GSDMB: variants seen among roughly 807,000 people sequenced by gnomAD.
The protein encoded by GSDMB is gasdermin B.
A neutral mutation model predicts 42.9 loss-of-function variants in GSDMB; 32 were observed. The observed-to-expected ratio is 0.75, with a 90% CI of 0.56 to 1.00. The LOEUF (loss-of-function observed/expected upper bound fraction) is 1.00. Ranked by LOEUF, GSDMB falls within the 50% of genes least tolerant of loss-of-function variation. GSDMB has a pLI of 0.00. For missense variants in GSDMB, 468 were observed against 498.5 expected (o/e 0.94, Z 0.58); for synonymous variants, 175 against 193.7 (o/e 0.90, Z 0.80).
intron 5 of GSDMB, 51 bp downstream of exon 5, chr17:39,908,907 C>A (rs2063555737): frequency 1.8e-6 from 2 of 1,141,382 alleles, no homozygotes; most frequent in African/African-American, 3.1e-5. Context: ...CCCCCCACCT[C>A]ACTGGTGTGT....
In GSDMB at chr17:39,917,246, G is replaced by A. The variant is rs778033673; in HGVS notation, c.71C>T (p.Ala24Val). Residue 24 changes from alanine to valine, a missense_variant, in exon 2 of 11, where the codon GCC becomes GTC. Physicochemically the swap from Ala to Val is moderately conservative, Grantham distance 64 (BLOSUM62 0). Transcript: ENST00000418519. ...ATCAGCATCAACAAGGCTTCTAACG[G>A]CAATCATATCCCCTCCAGCATCCAT... ...KEMDAGGDMI[A>V]VRSLVDADRF... 2.4e-5 allele frequency: 39 copies of A among 1,613,850 alleles called. No homozygotes were observed. The highest frequency in any genetic ancestry group is 3.1e-5 in the Non-Finnish European group (36 of 1,179,874).
intron 7 of GSDMB, 107 bp downstream of exon 7, chr17:39,906,854 G>A (rs947271744): frequency 3.2e-6 from 5 of 1,579,864 alleles, no homozygotes; most frequent in South Asian, 2.3e-5. Flanking sequence ...AGTGCCTCCC[G>A]ACTTCCTACC....
At chr17:39,916,964 G>A (rs1019995134) in intron 2 of GSDMB, 118 bp downstream of exon 2, 7 of 691,796 alleles carry the variant, frequency 1.0e-5, no homozygotes, top group Non-Finnish European at 1.8e-5. Flanking sequence ...GTGTGGATGT[G>A]TACAAATCCC....
chr17:39,906,062 C>T (rs373071837), intron 8 of GSDMB, 49 bp downstream of exon 8: 2 of 1,612,196 alleles, frequency 1.2e-6, no homozygotes, highest in Non-Finnish European at 8.5e-7. Flanking sequence ...CTGCCATCCC[C>T]TCTGGCTCCT....
At chr17:39,912,281 A>T in intron 3 of GSDMB, 45 bp downstream of exon 3, 1 of 1,450,140 alleles carries the variant, frequency 6.9e-7, no homozygotes. Flanking sequence ...GGTGCCCAAG[A>T]TGGGCTTCTT....
chr17:39,917,363 A>G, intron 1 of GSDMB, 33 bp from the exon 2 acceptor site: 1 of 1,265,070 alleles, frequency 7.9e-7, no homozygotes, highest in Admixed American at 1.7e-5. Flanking sequence ...AGTTTTTGGG[A>G]GGAGGGTATT....
chr17:39,917,499 CCA>C (rs1464295323), intron 1 of GSDMB, 169 bp from the exon 2 acceptor site: 2 of 588,678 alleles, frequency 3.4e-6, no homozygotes, highest in African/African-American at 3.7e-5. Context: ...AACTGAAGAT[CCA>C]CAAAAGAAAT....
At chr17:39,910,117 G>T (rs891298090) in intron 3 of GSDMB, among the ~76,000 whole-genome samples, 193 bp from the exon 4 acceptor site, 1 of 152,042 alleles carries the variant, frequency 6.6e-6, no homozygotes, top group Admixed American at 6.6e-5. Flanking sequence ...TACAAAGTAG[G>T]GTGAGAGGCC....
chr17:39,904,767 TAAAGGGAAAACCCAGAG>T lies in GSDMB; in HGVS notation c.*28_*44del, dbSNP rs1314162547. 4 of 1,579,198 alleles carry T rather than the reference TAAAGGGAAAACCCAGAG, an allele frequency of 2.5e-6. No individual in the cohort carries two copies. Among genetic ancestry groups the T allele is most frequent in the Non-Finnish European group, 2.6e-6 (3 of 1,152,812 alleles). On this transcript the variant is annotated 3_prime_UTR_variant, in exon 11 of 11. Transcript: ENST00000418519. ...GGCGATGGCAGTGAGGACAGACTGG[TAAAGGGAAAACCCAGAG>T]GCTTGTGGGGAGAAAGGGCTTTTGT...
intron 4 of GSDMB, among the ~76,000 whole-genome samples, 174 bp from the exon 5 acceptor site, chr17:39,909,216 G>C (rs1174329989): frequency 6.6e-6 from 1 of 152,178 alleles, no homozygotes; most frequent in East Asian, 1.9e-4. Context: ...AACAGTGGCA[G>C]AGCTGAAATT....
At chr17:39,913,087 A>T (rs1344281449) in intron 2 of GSDMB, among the ~76,000 whole-genome samples, 1 of 151,906 alleles carries the variant, frequency 6.6e-6, no homozygotes, top group African/African-American at 2.4e-5. Context: ...AGCCTGGAGG[A>T]GAGTGACACT....
chr17:39,917,665 G>C (rs1187284814), intron 1 of GSDMB: 2 of 303,208 alleles, frequency 6.6e-6, no homozygotes, highest in African/African-American at 4.4e-5. Context: ...CTCCACCCTT[G>C]AGAATGTACT....
At position 39,906,212 on chromosome 17, in the gene GSDMB, T is replaced by C; in HGVS notation, c.787A>G (p.Ser263Gly). Residue 263 changes from serine to glycine, a missense_variant, in exon 8 of 11, where the codon AGT becomes GGT. Transcript: ENST00000418519. ...NMKEKLEDME[S>G]VLKDLTEEKR... ...TCCTCTGTCAGGTCCTTGAGGACAC[T>C]CTCCATGTCCTCCAACTTCTCCTTC... 6.2e-7 allele frequency: 1 copy of C among 1,612,616 alleles called. No individual in the cohort carries two copies. The highest frequency in any genetic ancestry group is 8.5e-7 in the Non-Finnish European group (1 of 1,178,600).
At chr17:39,909,987 T>G in intron 3 of GSDMB, 63 bp from the exon 4 acceptor site, 1 of 1,268,886 alleles carries the variant, frequency 7.9e-7, no homozygotes, top group Admixed American at 1.9e-5. Context: ...ACTGACTCTT[T>G]TCCCTCTCTG....
At chr17:39,906,863 C>G in intron 7 of GSDMB, 98 bp downstream of exon 7, 3 of 1,589,302 alleles carry the variant, frequency 1.9e-6, no homozygotes, top group Non-Finnish European at 2.6e-6. Context: ...CGACTTCCTA[C>G]CCACTCAGCT....
intron 2 of GSDMB, among the ~76,000 whole-genome samples, chr17:39,915,576 C>T (rs1046921118): frequency 4.7e-5 from 7 of 148,554 alleles, no homozygotes; most frequent in Non-Finnish European, 8.9e-5. Context: ...TTTCCATTTT[C>T]AGTGAATTGA....
rs534106543 is a variant in GSDMB at position 39,917,397 on chromosome 17, C to T, written c.-14-67G>A. 8.5e-6 allele frequency: 8 copies of T among 944,580 alleles called. No homozygotes were observed. The African/African-American group carries it at 1.3e-4, about 15-fold the overall frequency. 58.5% of individuals were successfully genotyped at this position (944,580 alleles called of 1,614,324 possible). On this transcript the variant is annotated intron_variant, in intron 1 of 10. Transcript: ENST00000418519. Reference sequence around the variant, plus strand: ...TTGGTTCAAGTATTTAAATCTTCCACATTTGGCAGCCTGAGGTGTCAGGCC... The same window carrying T: ...TTGGTTCAAGTATTTAAATCTTCCATATTTGGCAGCCTGAGGTGTCAGGCC...
intron 2 of GSDMB, among the ~76,000 whole-genome samples, chr17:39,914,549 G>A (rs1220651990): frequency 6.6e-6 from 1 of 152,024 alleles, no homozygotes; most frequent in Non-Finnish European, 1.5e-5. Context: ...ATCACCTGAG[G>A]TCAGGAGTTC....
intron 4 of GSDMB, 86 bp downstream of exon 4, chr17:39,909,669 AG>A (rs1198279928): frequency 4.2e-6 from 5 of 1,200,578 alleles, no homozygotes; most frequent in African/African-American, 1.5e-5. Context: ...AGAGGAGTGA[AG>A]GAAGAGTCTA....
Sources: gnomAD v4.1 joint callset for allele counts (sites outside exome capture counted in the v4.1 genomes callset) on GRCh38, gnomAD v4.1.1 for gene constraint, MANE v1.5 for transcripts, NCBI Gene and HGNC (gene_info 2026-07-23, HGNC 2026-07-21) for gene names.